The following PLXNA3 variants were observed in gnomAD, a reference collection of about 807,000 sequenced individuals.
PLXNA3 encodes plexin A3, also known as plexin-A3.
PLXNA3 carries 52 observed loss-of-function variants against 118.8 expected under a neutral mutation model. The observed-to-expected ratio is 0.44, with a 90% CI of 0.35 to 0.55. The LOEUF is 0.55. Among genes scored for constraint, PLXNA3 ranks in the 20% least tolerant of loss-of-function variants. The probability of loss-of-function intolerance (pLI) is 0.01; values close to 1 mark genes in which losing one functional copy is unlikely to be tolerated. For synonymous variants in PLXNA3, 925 were observed against 762.4 expected, an observed-to-expected ratio of 1.21 and a Z score of -3.51; for missense variants, 1,660 against 1,730.8, an observed-to-expected ratio of 0.96 and a Z score of 0.73.
At position 154,470,037 on chromosome X, in the gene PLXNA3, C is replaced by T. The variant is rs781857878; in HGVS notation, c.4856C>T (p.Thr1619Met). ...CTCCGCTCACGGGCACCCATGATTACGCCTGACCAGGAGACAGGCACCAAA... is the reference window on the plus strand; with the variant it reads ...CTCCGCTCACGGGCACCCATGATTATGCCTGACCAGGAGACAGGCACCAAA... ...DSLRSRAPMITPDQETGTKLW... is the reference protein window; with the variant it reads ...DSLRSRAPMIMPDQETGTKLW... The change falls in exon 29 of 33, where the codon ACG (threonine) becomes ATG (methionine). Residue 1619 changes from threonine to methionine, a missense_variant. By Grantham distance (81) the Thr-to-Met change is moderately conservative (BLOSUM62 -1). This residue lies in a region of PLXNA3 where 869 missense variants were observed against 1,078.7 expected (regional missense o/e 0.81). Transcript: ENST00000369682. 14 of 1,209,982 alleles carry T rather than the reference C, an allele frequency of 1.2e-5. No individual in the cohort carries two copies. Among genetic ancestry groups the T allele is most frequent in the East Asian group, 3.0e-5 (1 of 33,795 alleles).
At chrX:154,458,796 C>T (rs953123661) in intron 1 of PLXNA3, among the ~76,000 whole-genome samples, 8 of 112,200 alleles carry the variant, frequency 7.1e-5, no homozygotes, top group Non-Finnish European at 1.3e-4. Context: ...GGGGCTGCCC[C>T]TTCCTCAGGC....
In PLXNA3 at chrX:154,474,829, G is replaced by A. The variant is rs1406704451; in HGVS notation, c.*2144G>A. ...TTTGGAGACGGGATCTTGCCCTGTT[G>A]CCCACGCTGGAGTGCAGTGGCAAAA... On this transcript the variant is annotated 3_prime_UTR_variant, in exon 33 of 33. Coordinates refer to ENST00000369682, the MANE Select transcript of PLXNA3 (RefSeq NM_017514.5). 1.3e-5 allele frequency: 1 copy of A among 74,760 alleles called. No individual in the cohort carries two copies. The highest frequency in any genetic ancestry group is 2.3e-5 in the Non-Finnish European group (1 of 42,963). The allele number at this position is 74,760 out of a possible 1,213,427, so 6.2% of individuals were successfully genotyped here.
At chrX:154,458,555 G>C (rs781806545) in intron 1 of PLXNA3, 127 bp downstream of exon 1, 1 of 112,765 alleles carries the variant, frequency 8.9e-6, no homozygotes, top group Non-Finnish European at 1.9e-5. Context: ...GCGCCGGCCT[G>C]CCCGACTCCT....
chrX:154,460,057 C>G lies in PLXNA3; in HGVS notation c.-27-100C>G, dbSNP rs1262506729. Reference sequence around the variant, plus strand: ...CCTGGCGGAGGCCCCTCCTCTCTCCCTGTCACGGTGGCCATCTGGGGCTTT... The same window carrying G: ...CCTGGCGGAGGCCCCTCCTCTCTCCGTGTCACGGTGGCCATCTGGGGCTTT... On this transcript the variant is annotated intron_variant, in intron 1 of 32. Transcript: ENST00000369682. 6.2e-6 allele frequency: 3 copies of G among 482,118 alleles called. No homozygotes were observed. In the East Asian group the frequency reaches 1.1e-4, roughly 17 times the overall value. 39.7% of individuals were successfully genotyped at this position (482,118 alleles called of 1,213,427 possible).
At chrX:154,463,307 A>G (rs2069009526) in intron 4 of PLXNA3, 84 bp from the exon 5 acceptor site, 1 of 1,178,448 alleles carries the variant, frequency 8.5e-7, no homozygotes, top group Admixed American at 2.2e-5. Context: ...CAGCTCAGCC[A>G]CAACCTCCAA....
Position 154,469,058 on chromosome X carries a change from C to G in PLXNA3, c.4437C>G (p.Thr1479=). 1.7e-6 allele frequency: 2 copies of G among 1,211,366 alleles called. No individual in the cohort carries two copies. The highest frequency in any genetic ancestry group is 2.2e-6 in the Non-Finnish European group (2 of 895,433). ...ACTGGAGTCCGCTTTCCCCTCAGAC[C>G]CTTCACTGCGTGTGTCCGGAGAACG... ...IRQQIDYKTL[T]LHCVCPENEG... Residue 1479 remains threonine, a splice_region_variant and synonymous_variant, in exon 26 of 33, where the codon ACC becomes ACG. Transcript: ENST00000369682.
rs893147821 is a variant in PLXNA3, at chrX:154,473,053, G to A, written c.*368G>A. 3 of 143,412 alleles carry A rather than the reference G, an allele frequency of 2.1e-5. No homozygotes were observed. Among genetic ancestry groups the A allele is most frequent in the African/African-American group, 3.1e-5 (1 of 32,447 alleles). 11.8% of individuals were successfully genotyped at this position (143,412 alleles called of 1,213,427 possible). On this transcript the variant is annotated 3_prime_UTR_variant, in exon 33 of 33. Transcript: ENST00000369682. ...AATATGTGTCCCCCCACCGGATGTC[G>A]CCACCCTCACTCACCTGCCTCTTCT...
In PLXNA3 at chrX:154,460,519, C is replaced by A; in HGVS notation, c.336C>A (p.Cys112Ter). ...IDYAARRLVA[C>*]GSIWQGICQF... ...ATGCGGCCCGCCGCCTGGTGGCCTG[C>A]GGCAGCATCTGGCAGGGCATCTGCC... Residue 112 changes from cysteine to a stop codon, truncating the protein, a stop_gained, in exon 2 of 33, where the codon TGC (cysteine) becomes TGA (stop). Coordinates refer to ENST00000369682, the MANE Select transcript of PLXNA3 (RefSeq NM_017514.5). LOFTEE classifies it high-confidence loss of function. 1 of 1,209,861 alleles carries A rather than the reference C, an allele frequency of 8.3e-7. No individual in the cohort carries two copies. The highest frequency in any genetic ancestry group is 1.1e-6 in the Non-Finnish European group (1 of 894,565).
rs1557207700 is a variant in PLXNA3, at chrX:154,467,553, C to G, written c.3450C>G (p.Asn1150Lys). 1 of 1,180,635 alleles carries G rather than the reference C, an allele frequency of 8.5e-7. No homozygotes were observed. The highest frequency in any genetic ancestry group is 3.1e-5 in the East Asian group (1 of 32,114). Residue 1150 changes from asparagine to lysine, a missense_variant, in exon 20 of 33, where the codon AAC (asparagine) becomes AAG (lysine). Transcript: ENST00000369682. ...PGSHVVLKGK[N>K]LIPAAAGSSR... The stretch of plus-strand genomic sequence containing the variant: ...TTGTCCTCCACCCCCAGGGCAAGAA[C>G]CTGATTCCCGCTGCAGCCGGCAGCT...
At position 154,465,995 on chromosome X, in the gene PLXNA3, C is replaced by T; in HGVS notation, c.2593C>T (p.Leu865=). The change falls in exon 14 of 33, where the codon CTG becomes TTG. Residue 865 remains leucine, a synonymous_variant. Transcript: ENST00000369682. ...CCGGGTCACCATCGTGGGTGAGAAC[C>T]TGGGCCTCTTGTCCCGAGAGGTGGG... is the stretch of plus-strand genomic sequence containing the variant. The part of the protein sequence containing the change: ...GTRVTIVGEN[L]GLLSREVGLR... 2.5e-6 allele frequency: 3 copies of T among 1,211,349 alleles called. No individual in the cohort carries two copies. The East Asian group carries it at 8.9e-5, about 36-fold the overall frequency.
chrX:154,464,740 C>T lies in PLXNA3; in HGVS notation c.1929-14C>T, dbSNP rs1557206339. The T allele has an allele frequency of 9.1e-7, 1 of 1,096,128 alleles. No homozygotes were observed. Among genetic ancestry groups the T allele is most frequent in the East Asian group, 3.2e-5 (1 of 31,397 alleles). 90.3% of individuals were successfully genotyped at this position (1,096,128 alleles called of 1,213,427 possible). A position where few individuals can be genotyped will look rare whatever the true frequency, so the allele number is the denominator to read the frequency against. On this transcript the variant is annotated splice_polypyrimidine_tract_variant and intron_variant, in intron 9 of 32. Transcript: ENST00000369682. The stretch of plus-strand genomic sequence containing the variant: ...CAGCCTCCTCTGTTATTTCTGAAGC[C>T]ACTTCCCCCCCAGGTGCATGTCCTG...
rs781873861 is a variant in PLXNA3, at chrX:154,463,586, C to T, written c.1447-4C>T. 7 of 1,189,707 alleles carry T rather than the reference C, an allele frequency of 5.9e-6. No homozygotes were observed. In the African/African-American group the frequency reaches 1.2e-4, roughly 21 times the overall value. ...GGGCTGGGTGCTGATGTGGCTGTCC[C>T]CAGGTGAGCCAGCTCCCGGTGGAGA... is the stretch of plus-strand genomic sequence containing the variant. On this transcript the variant is annotated splice_region_variant and splice_polypyrimidine_tract_variant and intron_variant, in intron 5 of 32. Coordinates refer to ENST00000369682, the MANE Select transcript of PLXNA3 (RefSeq NM_017514.5).
intron 30 of PLXNA3, 60 bp from the exon 31 acceptor site, chrX:154,471,045 G>A: frequency 9.9e-7 from 1 of 1,007,390 alleles, no homozygotes; most frequent in Non-Finnish European, 1.4e-6. Flanking sequence ...TGTGCACATG[G>A]GAGGGGCCCC....
rs781920536 is a variant in PLXNA3, at chrX:154,464,631, C to T, written c.1929-123C>T. On this transcript the variant is annotated intron_variant, in intron 9 of 32. Coordinates refer to ENST00000369682, the MANE Select transcript of PLXNA3 (RefSeq NM_017514.5). ...GTCAGGCCCTGATAGCCCCTGACAT[C>T]CCCACATCTCTCTGTCCCCTGATAT... The T allele has an allele frequency of 1.5e-5, 10 of 683,897 alleles. No individual in the cohort carries two copies. In the Admixed American group the frequency reaches 2.5e-4, roughly 17 times the overall value. 56.4% of individuals were successfully genotyped at this position (683,897 alleles called of 1,213,427 possible).
Position 154,461,326 on chromosome X carries a change from AT to A in PLXNA3, c.823del (p.Tyr275ThrfsTer95). 1 of 1,212,390 alleles carries A rather than the reference AT, an allele frequency of 8.2e-7. No individual in the cohort carries two copies. Among genetic ancestry groups the A allele is most frequent in the Non-Finnish European group, 1.1e-6 (1 of 895,598 alleles). On this transcript the variant is annotated frameshift_variant, in exon 3 of 33. Transcript: ENST00000369682. LOFTEE classifies it high-confidence loss of function. ...GCGCGGGAGACTCAGAGTTCTACTC[AT>A]ACGTGGAATTCCCCATCGGCTGCTC... Reference protein sequence around the residue: ...MCAGDSEFYSYVEFPIGCSWR... With the variant: ...MCAGDSEFYSXVEFPIGCSWR...
intron 29 of PLXNA3, 30 bp from the exon 30 acceptor site, chrX:154,470,412 C>G: frequency 8.4e-7 from 1 of 1,195,007 alleles, no homozygotes; most frequent in Non-Finnish European, 1.1e-6. Flanking sequence ...CTGGCTCCCT[C>G]ATAGCCTGTG....
At chrX:154,463,339 G>C in intron 4 of PLXNA3, 52 bp from the exon 5 acceptor site, 1 of 1,207,634 alleles carries the variant, frequency 8.3e-7, no homozygotes, top group South Asian at 1.8e-5. Context: ...GGAGAAGACA[G>C]TGTCCCAGGT....
In PLXNA3 at chrX:154,465,811, G is replaced by A; in HGVS notation, c.2496G>A (p.Gln832=). Residue 832 remains glutamine, a synonymous_variant, in exon 13 of 33, where the codon CAG becomes CAA. Transcript: ENST00000369682. ...APKTNWMHLS[Q]KGTRCSHPRI... ...AGACCAACTGGATGCACCTGAGCCA[G>A]AAGGGCACCCGGTGCAGCCACCCCC... 1 of 1,207,640 alleles carries A rather than the reference G, an allele frequency of 8.3e-7. No individual in the cohort carries two copies. Among genetic ancestry groups the A allele is most frequent in the Non-Finnish European group, 1.1e-6 (1 of 893,228 alleles).
intron 25 of PLXNA3, 29 bp downstream of exon 25, chrX:154,468,998 T>TA (rs1569554655): frequency 8.3e-7 from 1 of 1,209,199 alleles, no homozygotes. Flanking sequence ...GGGCCAGAGG[T>TA]AGGGGTGCAG....
Sources: allele counts gnomAD v4.1 joint callset (sites outside exome capture counted in the v4.1 genomes callset), GRCh38; gene constraint gnomAD v4.1.1; regional missense constraint gnomAD v4.1.1; transcripts MANE v1.5; gene names NCBI Gene and HGNC (gene_info 2026-07-23, HGNC 2026-07-21).